Variants in PPP4R2 observed in about 807,000 individuals in gnomAD.
PPP4R2 encodes protein phosphatase 4 regulatory subunit 2.
Under a neutral mutation model 47.2 loss-of-function variants are expected in PPP4R2, and 13 were observed. The observed-to-expected ratio is 0.28, with a 90% CI of 0.18 to 0.44. PPP4R2 has a LOEUF of 0.44. PPP4R2 is among the 20% of genes least tolerant of loss of function. The pLI is 1.00. For synonymous variants in PPP4R2, 151 were observed against 163.3 expected, an observed-to-expected ratio of 0.92 and a Z score of 0.57; for missense variants, 421 against 491.2, an observed-to-expected ratio of 0.86 and a Z score of 1.35.
chr3:73,052,035 G>C (rs1486529786), intron 3 of PPP4R2, among the ~76,000 whole-genome samples: 1 of 152,094 alleles, frequency 6.6e-6, no homozygotes, highest in Non-Finnish European at 1.5e-5. Flanking sequence ...TTCCAAACAA[G>C]GCCTAGAAGA....
intron 2 of PPP4R2, among the ~76,000 whole-genome samples, chr3:73,020,925 T>C (rs1387584866): frequency 6.6e-6 from 1 of 152,080 alleles, no homozygotes; most frequent in Non-Finnish European, 1.5e-5. Flanking sequence ...GGGCTCCTCC[T>C]AAAGGCTTGG....
chr3:73,045,684 G>A (rs1393008465), intron 2 of PPP4R2, among the ~76,000 whole-genome samples: 2 of 151,806 alleles, frequency 1.3e-5, no homozygotes, highest in Non-Finnish European at 2.9e-5. Context: ...GCACCACCCC[G>A]CCTGGCTAAT....
At chr3:73,062,618 GT>G in intron 5 of PPP4R2, 1 of 1,613,994 alleles carries the variant, frequency 6.2e-7, no homozygotes, top group South Asian at 1.1e-5. Context: ...CCCTTGAGAA[GT>G]CATCAGTTCT....
At chr3:73,025,679 G>A (rs1041345710) in intron 2 of PPP4R2, among the ~76,000 whole-genome samples, 3 of 152,228 alleles carry the variant, frequency 2.0e-5, no homozygotes, top group Non-Finnish European at 4.4e-5. Flanking sequence ...GAATAGTAAA[G>A]TTCAGAGCTG....
chr3:73,031,389 AAG>A (rs1702161458), intron 2 of PPP4R2, among the ~76,000 whole-genome samples: 1 of 151,980 alleles, frequency 6.6e-6, no homozygotes, highest in Admixed American at 6.6e-5. Context: ...ATAATACAAA[AAG>A]AATTAGCTGG....
chr3:73,036,663 AG>A (rs1702266177), intron 2 of PPP4R2, among the ~76,000 whole-genome samples: 1 of 152,202 alleles, frequency 6.6e-6, no homozygotes, highest in African/African-American at 2.4e-5. Context: ...TTCTTGTGAT[AG>A]GTACTTTGCT....
intron 3 of PPP4R2, among the ~76,000 whole-genome samples, chr3:73,053,043 A>G (rs2107321735): frequency 6.6e-6 from 1 of 152,332 alleles, no homozygotes; most frequent in East Asian, 1.9e-4. Context: ...AGGGACTGAG[A>G]GAATGGGTCC....
intron 2 of PPP4R2, among the ~76,000 whole-genome samples, chr3:73,013,947 T>TTGGA (rs927549447): frequency 7.5e-6 from 1 of 133,376 alleles, no homozygotes; most frequent in African/African-American, 2.6e-5. Flanking sequence ...GGGCTTGTAT[T>TTGGA]TGGATATCTT....
At chr3:73,023,086 T>A (rs1701992165) in intron 2 of PPP4R2, among the ~76,000 whole-genome samples, 1 of 152,222 alleles carries the variant, frequency 6.6e-6, no homozygotes, top group Non-Finnish European at 1.5e-5. Context: ...ACTTTGTGAC[T>A]GTTTAAGAGA....
At chr3:73,062,510 T>C in intron 5 of PPP4R2, 1 of 1,613,820 alleles carries the variant, frequency 6.2e-7, no homozygotes, top group Non-Finnish European at 8.5e-7. Flanking sequence ...TACTGAGTGT[T>C]GGTGTGAGCA....
At chr3:73,023,549 T>A (rs897160949) in intron 2 of PPP4R2, among the ~76,000 whole-genome samples, 12 of 152,166 alleles carry the variant, frequency 7.9e-5, no homozygotes, top group South Asian at 2.1e-4. Context: ...AGATGAGGCA[T>A]AAGGTGTTAA....
chr3:73,006,309 C>G (rs1575839124), intron 2 of PPP4R2, among the ~76,000 whole-genome samples: 1 of 149,472 alleles, frequency 6.7e-6, no homozygotes, highest in African/African-American at 2.5e-5. Flanking sequence ...AGCTATTCTT[C>G]CGTCTCAGCC....
intron 2 of PPP4R2, among the ~76,000 whole-genome samples, chr3:73,018,161 C>G (rs940072820): frequency 1.3e-5 from 2 of 152,036 alleles, no homozygotes; most frequent in African/African-American, 4.8e-5. Flanking sequence ...ATACTTTTAG[C>G]CAGGCAGATA....
At chr3:73,008,418 A>G (rs1701657562) in intron 2 of PPP4R2, among the ~76,000 whole-genome samples, 1 of 152,196 alleles carries the variant, frequency 6.6e-6, no homozygotes, top group Non-Finnish European at 1.5e-5. Context: ...TTCTGAGTAG[A>G]GTTAATTTTT....
At chr3:73,012,575 A>G (rs556300463) in intron 2 of PPP4R2, among the ~76,000 whole-genome samples, 48 of 152,346 alleles carry the variant, frequency 3.2e-4, no homozygotes, top group Admixed American at 1.4e-3. Context: ...TGCTGGGGCT[A>G]CAGGCGTGAG....
At chr3:73,061,262 T>TG in intron 5 of PPP4R2, 1 of 285,682 alleles carries the variant, frequency 3.5e-6, no homozygotes, top group Admixed American at 5.1e-5. Context: ...TAAAGAGATT[T>TG]GGATTAAAGA....
At chr3:73,062,845 C>T in intron 5 of PPP4R2, 1 of 1,613,852 alleles carries the variant, frequency 6.2e-7, no homozygotes, top group Non-Finnish European at 8.5e-7. Flanking sequence ...TTAATGTTCA[C>T]ACTTCTATTT....
At chr3:73,021,903 T>A (rs867637987) in intron 2 of PPP4R2, among the ~76,000 whole-genome samples, 9,704 of 130,212 alleles carry the variant, frequency 0.075, 655 homozygotes, top group African/African-American at 0.19. Flanking sequence ...TATATATATT[T>A]TTTTTTTTTT....
intron 2 of PPP4R2, among the ~76,000 whole-genome samples, chr3:73,046,259 CA>C (rs1702485145): frequency 6.6e-6 from 1 of 152,132 alleles, no homozygotes; most frequent in Non-Finnish European, 1.5e-5. Context: ...CCTCTTGGAC[CA>C]CAATTTGAAA....
Sources: gnomAD v4.1 joint callset for allele counts (sites outside exome capture counted in the v4.1 genomes callset) on GRCh38, gnomAD v4.1.1 for gene constraint, MANE v1.5 for transcripts, NCBI Gene and HGNC (gene_info 2026-07-23, HGNC 2026-07-21) for gene names.